Variants in LRRTM4 observed in about 807,000 individuals in gnomAD.
LRRTM4 encodes leucine rich repeat transmembrane neuronal 4.
Under a neutral mutation model 47.6 loss-of-function variants are expected in LRRTM4, and 25 were observed. That is an observed-to-expected ratio of 0.53 (90% CI 0.38 to 0.73). LRRTM4 has a LOEUF of 0.73. Ranked by LOEUF, LRRTM4 falls within the 30% of genes least tolerant of loss-of-function variation. The pLI is 0.00. For synonymous variants in LRRTM4, 311 were observed against 269.5 expected (o/e 1.15, Z -1.51); for missense variants, 638 against 713.4 (o/e 0.89, Z 1.20).
chr2:76,897,193 G>A (rs565593335), intron 3 of LRRTM4, among the ~76,000 whole-genome samples: 4 of 152,196 alleles, frequency 2.6e-5, no homozygotes, highest in Admixed American at 6.6e-5. Context: ...TGTTTGCCCC[G>A]TGCAGAGTAG....
intron 3 of LRRTM4, among the ~76,000 whole-genome samples, chr2:77,480,823 GAGAGAGAGA>G (rs1677662382): frequency 2.0e-4 from 5 of 24,488 alleles, no homozygotes; most frequent in African/African-American, 5.3e-4. Context: ...TGTGTGTGTG[GAGAGAGAGA>G]GAGAGAGAGA....
At chr2:76,889,709 ATT>A (rs1426136923) in intron 3 of LRRTM4, among the ~76,000 whole-genome samples, 1 of 152,022 alleles carries the variant, frequency 6.6e-6, no homozygotes, top group Non-Finnish European at 1.5e-5. Flanking sequence ...GCCCTGCCAA[ATT>A]TTTAGTAGAT....
chr2:77,091,339 C>G (rs987377047), intron 3 of LRRTM4, among the ~76,000 whole-genome samples: 3 of 140,802 alleles, frequency 2.1e-5, no homozygotes, highest in Admixed American at 2.1e-4. Context: ...ACCTAATCAC[C>G]CTTACCCCAC....
intron 3 of LRRTM4, among the ~76,000 whole-genome samples, chr2:77,003,107 A>G (rs192629283): frequency 7.7e-4 from 117 of 152,082 alleles, no homozygotes; most frequent in African/African-American, 2.5e-3. Context: ...TTACTTTGCG[A>G]TAAGAATATA....
intron 3 of LRRTM4, among the ~76,000 whole-genome samples, chr2:76,779,470 G>C (rs1244142485): frequency 6.8e-6 from 1 of 146,986 alleles, no homozygotes; most frequent in Non-Finnish European, 1.5e-5. Context: ...ATATATTTAG[G>C]ATAGTTAGCT....
rs149632109 is a variant in LRRTM4 at position 77,040,049 on chromosome 2, T to C, written c.1552-291133A>G. Among the ~76,000 whole-genome samples the C allele has an allele frequency of 3.2e-3, 484 of 151,326 alleles. 1 individual carries two copies. The highest frequency in any genetic ancestry group is 0.011 in the African/African-American group (460 of 41,456). On this transcript the variant is annotated intron_variant, in intron 3 of 3. Transcript: ENST00000409884. ...AATCAAATTATCTTGATGTATGTTGTAGCATTATAAGACAGGTGGGTAGGC... is the reference window on the plus strand; with the variant it reads ...AATCAAATTATCTTGATGTATGTTGCAGCATTATAAGACAGGTGGGTAGGC...
At chr2:77,467,832 T>C (rs1309148210) in intron 3 of LRRTM4, among the ~76,000 whole-genome samples, 8 of 152,184 alleles carry the variant, frequency 5.3e-5, no homozygotes, top group Non-Finnish European at 1.2e-4. Flanking sequence ...AACACATTTT[T>C]GTGTGCTAAA....
intron 3 of LRRTM4, among the ~76,000 whole-genome samples, chr2:76,906,533 T>A (rs866228595): frequency 6.6e-6 from 1 of 152,044 alleles, no homozygotes; most frequent in East Asian, 1.9e-4. Context: ...AATGCTCCAA[T>A]CAAAAGACAC....
intron 3 of LRRTM4, among the ~76,000 whole-genome samples, chr2:77,067,461 G>A (rs904919268): frequency 6.6e-6 from 1 of 152,020 alleles, no homozygotes; most frequent in Non-Finnish European, 1.5e-5. Flanking sequence ...CACTCAGGCA[G>A]TGTGGGTGGG....
At chr2:77,500,859 T>A (rs916166243) in intron 3 of LRRTM4, among the ~76,000 whole-genome samples, 1 of 151,544 alleles carries the variant, frequency 6.6e-6, no homozygotes, top group Admixed American at 6.6e-5. Context: ...AGGTAGATCT[T>A]TATTTACTGT....
intron 3 of LRRTM4, chr2:77,516,817 A>G: frequency 1.0e-6 from 1 of 982,542 alleles, no homozygotes; most frequent in Non-Finnish European, 1.2e-6. Context: ...TCAATAGTCC[A>G]AATTGTACTG....
intron 3 of LRRTM4, among the ~76,000 whole-genome samples, chr2:77,467,294 G>A (rs1168210829): frequency 1.3e-5 from 2 of 151,984 alleles, no homozygotes; most frequent in Non-Finnish European, 2.9e-5. Context: ...CCACCCTGAC[G>A]AGTGACAGCA....
At chr2:76,854,842 T>C (rs1672101434) in intron 3 of LRRTM4, among the ~76,000 whole-genome samples, 1 of 150,374 alleles carries the variant, frequency 6.7e-6, no homozygotes, top group Admixed American at 6.6e-5. Context: ...GCTAAAATTC[T>C]ATAAGGGCGA....
intron 3 of LRRTM4, among the ~76,000 whole-genome samples, chr2:77,199,558 A>T (rs1187121802): frequency 6.6e-6 from 1 of 152,068 alleles, no homozygotes; most frequent in African/African-American, 2.4e-5. Flanking sequence ...TTGAGACCAG[A>T]TGATCTCTAG....
intron 3 of LRRTM4, among the ~76,000 whole-genome samples, chr2:76,932,936 C>T (rs539934671): frequency 1.3e-5 from 2 of 152,164 alleles, no homozygotes; most frequent in East Asian, 1.9e-4. Flanking sequence ...TGGTGGTTTG[C>T]TGTACCCATC....
intron 3 of LRRTM4, among the ~76,000 whole-genome samples, chr2:76,965,708 A>G (rs1558766230): frequency 1.3e-5 from 2 of 151,414 alleles, no homozygotes; most frequent in Non-Finnish European, 3.0e-5. Context: ...AGGCATTTCA[A>G]ATAAACACTG....
intron 3 of LRRTM4, among the ~76,000 whole-genome samples, chr2:76,970,199 A>T (rs1167221998): frequency 6.6e-6 from 1 of 152,018 alleles, no homozygotes; most frequent in African/African-American, 2.4e-5. Context: ...ATAATTTTGT[A>T]TAAGTGTACA....
At chr2:76,947,124 T>G (rs1349883246) in intron 3 of LRRTM4, among the ~76,000 whole-genome samples, 1 of 151,912 alleles carries the variant, frequency 6.6e-6, no homozygotes, top group East Asian at 1.9e-4. Flanking sequence ...TCTTAAAATG[T>G]TAAGTGCCCT....
At chr2:77,169,608 A>C (rs1222675437) in intron 3 of LRRTM4, among the ~76,000 whole-genome samples, 1 of 152,102 alleles carries the variant, frequency 6.6e-6, no homozygotes, top group Non-Finnish European at 1.5e-5. Context: ...TTCTTGATAA[A>C]ACAATGAAAT....
Sources: allele counts gnomAD v4.1 joint callset (sites outside exome capture counted in the v4.1 genomes callset), GRCh38; gene constraint gnomAD v4.1.1; transcripts MANE v1.5; gene names NCBI Gene and HGNC (gene_info 2026-07-23, HGNC 2026-07-21).